Variants in BTK observed in about 807,000 individuals in gnomAD.
BTK encodes Bruton tyrosine kinase.
In BTK, 5 loss-of-function variants were observed where a neutral mutation model predicts 57.4. The ratio of observed to expected loss-of-function variants is 0.09; its 90% CI spans 0.05 to 0.18. The LOEUF (loss-of-function observed/expected upper bound fraction) is 0.18. BTK is among the 10% of genes least tolerant of loss of function. The pLI is 1.00. For missense variants in BTK, 194 were observed against 501.2 expected, an observed-to-expected ratio of 0.39 and a Z score of 5.85; for synonymous variants, 154 against 174.3, an observed-to-expected ratio of 0.88 and a Z score of 0.92.
At chrX:101,360,415 C>T (rs1035228832) in intron 8 of BTK, among the ~76,000 whole-genome samples, 153 bp downstream of exon 8, 2 of 111,896 alleles carry the variant, frequency 1.8e-5, no homozygotes, top group South Asian at 3.7e-4. Flanking sequence ...GGGAGCTGCA[C>T]GCTGGGAAGT....
intron 1 of BTK, among the ~76,000 whole-genome samples, chrX:101,382,376 C>T (rs1380862890): frequency 7.5e-5 from 8 of 107,031 alleles, no homozygotes; most frequent in Non-Finnish European, 1.1e-4. Context: ...ATCCAGGCTT[C>T]GGTACAGTAG....
chrX:101,362,637 G>A lies in BTK; in HGVS notation c.444C>T (p.Ile148=), dbSNP rs782611284. 2.5e-6 allele frequency: 3 copies of A among 1,211,890 alleles called. No individual in the cohort carries two copies. Among genetic ancestry groups the A allele is most frequent in the Admixed American group, 2.2e-5 (1 of 46,069 alleles). The change falls in exon 6 of 19, where the codon ATC becomes ATT. Residue 148 remains isoleucine (I), a synonymous_variant. Coordinates refer to ENST00000308731, the MANE Select transcript of BTK (RefSeq NM_000061.3). ...GAGAGCAGCAGAGATACTGCCCATC[G>A]ATCCAGAAGCAAGGGTGATATTTCT... The part of the protein sequence containing the change: ...LVQKYHPCFW[I]DGQYLCCSQT...
chrX:101,389,290 A>C (rs1555982850), upstream of BTK, among the ~76,000 whole-genome samples: 3 of 110,701 alleles, frequency 2.7e-5, no homozygotes, highest in Non-Finnish European at 3.8e-5. Context: ...AACAAGCAAA[A>C]CCCCCACAAA....
In BTK at chrX:101,360,069, C is replaced by T. The variant is rs1555978406; in HGVS notation, c.839+19G>A. On this transcript the variant is annotated intron_variant, in intron 9 of 18. Transcript: ENST00000308731. Reference sequence around the variant, plus strand: ...AGAGTTCCTCCTGGAAGATTGTGGACTGACATAAACATACTTACTCATACA... The same window carrying T: ...AGAGTTCCTCCTGGAAGATTGTGGATTGACATAAACATACTTACTCATACA... 1.3e-5 allele frequency: 15 copies of T among 1,129,783 alleles called. No individual in the cohort carries two copies. Among genetic ancestry groups the T allele is most frequent in the African/African-American group, 1.9e-5 (1 of 54,048 alleles). 93.1% of individuals were successfully genotyped at this position (1,129,783 alleles called of 1,213,427 possible).
rs1235383900 is a variant in BTK at position 101,363,891 on chromosome X, A to G, written c.392-1202T>C. Among the ~76,000 whole-genome samples the G allele has an allele frequency of 2.2e-3, 37 of 16,612 alleles. 1 individual carries two copies. The highest frequency in any genetic ancestry group is 6.8e-3 in the Admixed American group (13 of 1,918). 14.4% of individuals were successfully genotyped at this position (16,612 alleles called of 115,157 possible). On this transcript the variant is annotated intron_variant, in intron 5 of 18. Transcript: ENST00000308731. Reference sequence around the variant, plus strand: ...ACAGCTAAGAAGAATCCCGCACATTATTATTATTATTATTATTATTATTAT... The same window carrying G: ...ACAGCTAAGAAGAATCCCGCACATTGTTATTATTATTATTATTATTATTAT...
chrX:101,367,509 G>A (rs1227877018), intron 5 of BTK, among the ~76,000 whole-genome samples: 2 of 108,359 alleles, frequency 1.8e-5, no homozygotes, highest in Non-Finnish European at 3.8e-5. Flanking sequence ...GGTGGCAGGC[G>A]CCTGTCATCC....
At chrX:101,356,650 C>A in intron 14 of BTK, 134 bp downstream of exon 14, 1 of 730,166 alleles carries the variant, frequency 1.4e-6, no homozygotes. Context: ...GGACTACCGC[C>A]AGTTAAAGGT....
chrX:101,379,505 G>A, intron 1 of BTK, among the ~76,000 whole-genome samples: 1 of 112,321 alleles, frequency 8.9e-6, no homozygotes, highest in Admixed American at 9.4e-5. Context: ...AAACAGATGA[G>A]GAAACTGACA....
At position 101,353,220 on chromosome X, in the gene BTK, T is replaced by C. The variant is rs3027646; in HGVS notation, c.1882A>G (p.Thr628Ala). Residue 628 changes from threonine (T) to alanine (A), a missense_variant, in exon 18 of 19, where the codon ACC (threonine) becomes GCC (alanine). Thr to Ala is a moderately conservative substitution (Grantham distance 58, BLOSUM62 0). Coordinates refer to ENST00000308731, the MANE Select transcript of BTK (RefSeq NM_000061.3). ...RPHLASEKVY[T>A]IMYSCWHEKA... ...TCATGCCAGCAACTGTACATGATGG[T>C]ATATACCTTCTCTGAAGCCAGATGA... is the stretch of plus-strand genomic sequence containing the variant. 7 of 1,209,018 alleles carry C rather than the reference T, an allele frequency of 5.8e-6. No homozygotes were observed. In the African/African-American group the frequency reaches 8.8e-5, roughly 15 times the overall value.
chrX:101,367,975 G>T (rs782077665), intron 5 of BTK, among the ~76,000 whole-genome samples: 4 of 111,898 alleles, frequency 3.6e-5, no homozygotes, highest in African/African-American at 1.3e-4. Flanking sequence ...TACATGTCCT[G>T]CAGAGCTCTT....
intron 5 of BTK, among the ~76,000 whole-genome samples, chrX:101,367,216 C>G (rs1458873606): frequency 1.9e-5 from 2 of 105,518 alleles, no homozygotes; most frequent in Non-Finnish European, 3.9e-5. Context: ...TCTACTCCAG[C>G]CTGGGCAACA....
In BTK at chrX:101,372,774, T is replaced by G. The variant is rs1199067594; in HGVS notation, c.241-1073A>C. ...ATGCTATTTTTCTTGGCTGTCAAAT[T>G]AACTAATATTTAAAATATCTAGTGT... On this transcript the variant is annotated intron_variant, in intron 3 of 18. Coordinates refer to ENST00000308731, the MANE Select transcript of BTK (RefSeq NM_000061.3). 2.8e-5 allele frequency among the ~76,000 whole-genome samples: 3 copies of G among 107,221 alleles called. No homozygotes were observed. The Admixed American group carries it at 3.0e-4, about 11-fold the overall frequency. 93.1% of individuals were successfully genotyped at this position (107,221 alleles called of 115,157 possible).
At chrX:101,379,625 C>T (rs3027614) in intron 1 of BTK, among the ~76,000 whole-genome samples, 14,205 of 111,293 alleles carry the variant, frequency 0.13, 952 homozygotes, top group Non-Finnish European at 0.19. Flanking sequence ...GATTTTTGTT[C>T]GTTTATTTGT....
intron 18 of BTK, among the ~76,000 whole-genome samples, chrX:101,351,956 G>A (rs1198535801): frequency 5.4e-5 from 6 of 110,632 alleles, no homozygotes; most frequent in African/African-American, 2.0e-4. Flanking sequence ...AAGGTCAGGA[G>A]ATCGAGACCA....
chrX:101,357,092 A>G (rs782519900), intron 13 of BTK, 137 bp from the exon 14 acceptor site: 2 of 696,025 alleles, frequency 2.9e-6, no homozygotes, highest in Non-Finnish European at 4.4e-6. Flanking sequence ...GTCTTTGCTT[A>G]AGTCAATCTC....
intron 18 of BTK, among the ~76,000 whole-genome samples, chrX:101,352,111 C>G (rs1006811524): frequency 2.9e-5 from 3 of 102,521 alleles, no homozygotes; most frequent in Admixed American, 1.1e-4. Flanking sequence ...TGCGGTGAGC[C>G]GAGATCACGC....
intron 18 of BTK, among the ~76,000 whole-genome samples, chrX:101,351,253 C>A (rs1926280920): frequency 8.9e-6 from 1 of 112,311 alleles, no homozygotes; most frequent in African/African-American, 3.2e-5. Flanking sequence ...CTTGGCCTCC[C>A]AAACTGCTGG....
At chrX:101,389,572 G>A (rs1407809300), upstream of BTK, among the ~76,000 whole-genome samples, 1 of 111,216 alleles carries the variant, frequency 9.0e-6, no homozygotes, top group Non-Finnish European at 1.9e-5. Flanking sequence ...GGTCCCACGC[G>A]TGTTCCTGGA....
rs1355086415 is a variant in BTK at position 101,362,326 on chromosome X, T to C, written c.521-86A>G. ...GTTTGGTCAGGGACTTTGCCGTCCA[T>C]ATTGAGTGCCTTTAGGCAAGTTAGA... On this transcript the variant is annotated intron_variant, in intron 6 of 18. Transcript: ENST00000308731. 1.5e-5 allele frequency: 16 copies of C among 1,086,088 alleles called. No individual in the cohort carries two copies. The African/African-American group carries it at 2.6e-4, about 17-fold the overall frequency. 89.5% of individuals were successfully genotyped at this position (1,086,088 alleles called of 1,213,427 possible). A position where few individuals can be genotyped will look rare whatever the true frequency, so the allele number is the denominator to read the frequency against.
Sources: gnomAD v4.1 joint callset for allele counts (sites outside exome capture counted in the v4.1 genomes callset) on GRCh38, gnomAD v4.1.1 for gene constraint, MANE v1.5 for transcripts, NCBI Gene and HGNC (gene_info 2026-07-23, HGNC 2026-07-21) for gene names.